The following MKLN1 variants were observed in gnomAD, a reference collection of about 807,000 sequenced individuals.
MKLN1 encodes muskelin 1.
Under a neutral mutation model 99.0 loss-of-function variants are expected in MKLN1, and 18 were observed. The ratio of observed to expected loss-of-function variants is 0.18; its 90% CI spans 0.13 to 0.27. The LOEUF is 0.27. MKLN1 is among the 10% of genes least tolerant of loss of function. The pLI is 1.00. For synonymous variants in MKLN1, 288 were observed against 293.2 expected (o/e 0.98, Z 0.18); for missense variants, 621 against 875.9 (o/e 0.71, Z 3.67).
At chr7:131,346,005 A>G (rs917062087) in intron 1 of MKLN1, among the ~76,000 whole-genome samples, 6 of 152,156 alleles carry the variant, frequency 3.9e-5, no homozygotes, top group Admixed American at 1.3e-4. Context: ...TTCACGTGGC[A>G]TTTTCTCAGA....
At chr7:131,268,517 T>G (rs1797840606) in intron 3 of MKLN1, among the ~76,000 whole-genome samples, 1 of 152,230 alleles carries the variant, frequency 6.6e-6, no homozygotes, top group African/African-American at 2.4e-5. Flanking sequence ...TTCTATGCAG[T>G]AATTCAAGCA....
chr7:131,133,166 G>A (rs1584781314), intron 1 of MKLN1, among the ~76,000 whole-genome samples: 1 of 151,422 alleles, frequency 6.6e-6, no homozygotes, highest in African/African-American at 2.4e-5. Context: ...GAAGCTAGAT[G>A]GCCACTTGTA....
At chr7:131,470,136 G>A (rs1373905952) in intron 15 of MKLN1, among the ~76,000 whole-genome samples, 1 of 152,014 alleles carries the variant, frequency 6.6e-6, no homozygotes, top group Non-Finnish European at 1.5e-5. Context: ...CAAAGTGTTG[G>A]GATTACAGGC....
chr7:131,186,256 C>G (rs891190074), intron 2 of MKLN1, among the ~76,000 whole-genome samples: 3 of 152,220 alleles, frequency 2.0e-5, no homozygotes, highest in Admixed American at 1.3e-4. Context: ...GTAATCCCAG[C>G]ACTTTGGGAG....
intron 1 of MKLN1, among the ~76,000 whole-genome samples, chr7:131,110,763 G>T (rs77132383): frequency 1.3e-5 from 2 of 152,066 alleles, no homozygotes; most frequent in Non-Finnish European, 2.9e-5. Flanking sequence ...TACCTCATTC[G>T]GCTTAAAGGA....
intron 8 of MKLN1, among the ~76,000 whole-genome samples, chr7:131,425,464 G>A (rs554234088): frequency 8.5e-5 from 13 of 152,054 alleles, no homozygotes; most frequent in East Asian, 1.9e-4. Flanking sequence ...TCTGCCCTGC[G>A]TTATGTTGCT....
At chr7:131,376,115 TATATATATATATATATATATGTATG>T (rs1279550561) in intron 2 of MKLN1, among the ~76,000 whole-genome samples, 1 of 194 alleles carries the variant, frequency 5.2e-3, no homozygotes, top group African/African-American at 0.029. Flanking sequence ...TATATATATA[TATATATATATATATATATATGTATG>T]ATGTATGTAT....
chr7:131,174,971 AT>A (rs1796272086), intron 2 of MKLN1, among the ~76,000 whole-genome samples: 1 of 149,722 alleles, frequency 6.7e-6, no homozygotes, highest in African/African-American at 2.5e-5. Context: ...AGATAGATAG[AT>A]AGATAGATAG....
chr7:131,484,388 T>C (rs2116699345), intron 17 of MKLN1, among the ~76,000 whole-genome samples: 1 of 152,258 alleles, frequency 6.6e-6, no homozygotes, highest in Middle Eastern at 3.4e-3. Flanking sequence ...AATTACTGAA[T>C]CTCTTTCTGT....
chr7:131,326,302 C>A (rs76218229), upstream of MKLN1, among the ~76,000 whole-genome samples: 1,543 of 152,310 alleles, frequency 0.01, 22 homozygotes, highest in African/African-American at 0.035. Context: ...GCTTTTCCAA[C>A]CTGCTGCAAC....
intron 17 of MKLN1, among the ~76,000 whole-genome samples, chr7:131,484,092 A>G (rs1328240885): frequency 6.6e-6 from 1 of 152,160 alleles, no homozygotes; most frequent in Non-Finnish European, 1.5e-5. Flanking sequence ...TTATGAAGCT[A>G]CACTAGATCA....
Position 131,183,268 on chromosome 7 carries a change from C to A in MKLN1, c.-296-19589C>A, listed in dbSNP as rs17165476. Reference sequence around the variant, plus strand: ...TATCTTATTTGATCCTCCCAACAACCGGTAAGGTAAGAGAGGTAATCTGAA... The same window carrying A: ...TATCTTATTTGATCCTCCCAACAACAGGTAAGGTAAGAGAGGTAATCTGAA... On this transcript the variant is annotated intron_variant, in intron 2 of 7. Coordinates refer to the MKLN1 transcript ENST00000416992. Among the ~76,000 whole-genome samples the A allele has an allele frequency of 3.5e-3, 526 of 152,240 alleles. 8 individuals are homozygous for A. In the East Asian group the frequency reaches 0.06, roughly 17 times the overall value.
At chr7:131,331,513 G>A (rs984386965) in intron 1 of MKLN1, among the ~76,000 whole-genome samples, 1 of 152,170 alleles carries the variant, frequency 6.6e-6, no homozygotes, top group African/African-American at 2.4e-5. Flanking sequence ...GGCAGGGCAG[G>A]GTGGCTCACA....
rs542113347 is a variant in MKLN1 at position 131,297,595 on chromosome 7, G to A, written c.-178-77829G>A. 5.9e-5 allele frequency among the ~76,000 whole-genome samples: 9 copies of A among 152,080 alleles called. 1 individual carries two copies. In the South Asian group the frequency reaches 8.3e-4, roughly 14 times the overall value. ...AACCACTCCCCCGAAGTCTACTGAG[G>A]GATGATACAATTTTTATTATGGTCA... On this transcript the variant is annotated intron_variant, in intron 3 of 7. Coordinates refer to the MKLN1 transcript ENST00000416992.
intron 3 of MKLN1, among the ~76,000 whole-genome samples, chr7:131,216,493 C>T (rs1443733186): frequency 6.6e-6 from 1 of 151,694 alleles, no homozygotes; most frequent in East Asian, 1.9e-4. Context: ...AATTTTTCTC[C>T]TTTATATTTT....
intron 3 of MKLN1, among the ~76,000 whole-genome samples, chr7:131,260,194 C>T (rs1250797115): frequency 6.6e-6 from 1 of 152,106 alleles, no homozygotes; most frequent in Non-Finnish European, 1.5e-5. Context: ...AGGCACACGC[C>T]ACCATGCCTG....
chr7:131,318,114 T>C (rs1172367696), intron 3 of MKLN1, among the ~76,000 whole-genome samples: 1 of 152,208 alleles, frequency 6.6e-6, no homozygotes, highest in Non-Finnish European at 1.5e-5. Flanking sequence ...GTGGACTTAA[T>C]AGATATCTAT....
At chr7:131,143,002 T>C (rs1223166608) in intron 2 of MKLN1, 19 of 1,146,392 alleles carry the variant, frequency 1.7e-5, no homozygotes, top group South Asian at 7.8e-5. Context: ...TGTACCTATA[T>C]AGTAATGCTT....
chr7:131,133,819 GGTTTT>G lies in MKLN1; in HGVS notation c.-418-9000_-418-8996del, dbSNP rs1198957802. 5.4e-3 allele frequency among the ~76,000 whole-genome samples: 364 copies of G among 67,222 alleles called. 19 individuals are homozygous for G. Among genetic ancestry groups the G allele is most frequent in the African/African-American group, 0.015 (286 of 19,636 alleles). 44.1% of individuals were successfully genotyped at this position (67,222 alleles called of 152,430 possible). A position where few individuals can be genotyped will look rare whatever the true frequency, so the allele number is the denominator to read the frequency against. ...ACTTCTTTTTTTTTTTTTTTAATTT[GGTTTT>G]TTTTTTTTTTTTTTTTTTTTTTGAG... On this transcript the variant is annotated intron_variant, in intron 1 of 7. Coordinates refer to the MKLN1 transcript ENST00000416992.
Sources: gnomAD v4.1 joint callset for allele counts (sites outside exome capture counted in the v4.1 genomes callset) on GRCh38, gnomAD v4.1.1 for gene constraint, MANE v1.5 for transcripts, NCBI Gene and HGNC (gene_info 2026-07-23, HGNC 2026-07-21) for gene names.